The following GABRB1 variants were observed in gnomAD, a reference collection of about 807,000 sequenced individuals.
The protein encoded by GABRB1 is gamma-aminobutyric acid type A receptor subunit beta1.
In GABRB1, 17 loss-of-function variants were observed where a neutral mutation model predicts 51.6. The ratio of observed to expected loss-of-function variants is 0.33; its 90% confidence interval spans 0.23 to 0.49. The LOEUF (loss-of-function observed/expected upper bound fraction) is 0.49. Among genes scored for constraint, GABRB1 ranks in the 20% least tolerant of loss-of-function variants. The pLI, the probability that GABRB1 is intolerant of heterozygous loss-of-function variation, is 0.99. For synonymous variants in GABRB1, 247 were observed against 218.9 expected (o/e 1.13, Z -1.14); for missense variants, 410 against 600.6 (o/e 0.68, Z 3.32).
intron 3 of GABRB1, among the ~76,000 whole-genome samples, chr4:47,044,686 C>G (rs1726008534): frequency 6.6e-6 from 1 of 151,958 alleles, no homozygotes; most frequent in Non-Finnish European, 1.5e-5. Flanking sequence ...GAATTTCTCC[C>G]TCTTTAATGC....
At chr4:47,010,484 G>A (rs544485193) in intron 1 of GABRB1, among the ~76,000 whole-genome samples, 128 of 152,332 alleles carry the variant, frequency 8.4e-4, no homozygotes, top group Non-Finnish European at 1.6e-3. Flanking sequence ...GTCTGTGAAT[G>A]ATTGCATAAC....
chr4:47,384,960 T>G (rs1333501252), intron 5 of GABRB1, among the ~76,000 whole-genome samples: 2 of 152,240 alleles, frequency 1.3e-5, no homozygotes, highest in African/African-American at 4.8e-5. Flanking sequence ...ATTATGATAC[T>G]GACACACTAG....
intron 3 of GABRB1, among the ~76,000 whole-genome samples, chr4:47,160,995 G>A (rs540094221): frequency 1.1e-4 from 17 of 151,804 alleles, no homozygotes; most frequent in South Asian, 4.2e-4. Context: ...GTCTCATAAC[G>A]TTCCGTAGGC....
chr4:47,195,919 C>G (rs1719664939), intron 4 of GABRB1, among the ~76,000 whole-genome samples: 1 of 152,198 alleles, frequency 6.6e-6, no homozygotes, highest in Admixed American at 6.5e-5. Context: ...TTCTCTGGCT[C>G]AAAATGCAAC....
chr4:47,194,234 A>G (rs1719555971), intron 4 of GABRB1, among the ~76,000 whole-genome samples: 1 of 152,202 alleles, frequency 6.6e-6, no homozygotes, highest in South Asian at 2.1e-4. Flanking sequence ...ATTGCCTGGA[A>G]TCAGAAAACA....
At chr4:47,123,645 A>T (rs1239288066) in intron 3 of GABRB1, among the ~76,000 whole-genome samples, 2 of 74,966 alleles carry the variant, frequency 2.7e-5, no homozygotes, top group East Asian at 4.2e-4. Flanking sequence ...ATATTACATT[A>T]TTTTATATAT....
intron 4 of GABRB1, among the ~76,000 whole-genome samples, chr4:47,168,347 A>C (rs1560568307): frequency 6.6e-6 from 1 of 152,150 alleles, no homozygotes; most frequent in Non-Finnish European, 1.5e-5. Flanking sequence ...AGTAGGTCCC[A>C]AAGAGTACAC....
intron 3 of GABRB1, among the ~76,000 whole-genome samples, chr4:47,077,362 G>A (rs1727602651): frequency 6.6e-6 from 1 of 152,062 alleles, no homozygotes; most frequent in Non-Finnish European, 1.5e-5. Flanking sequence ...AAGGAGTTTT[G>A]TACAAAATAG....
chr4:47,232,592 T>C (rs1219350308), intron 4 of GABRB1, among the ~76,000 whole-genome samples: 1 of 152,210 alleles, frequency 6.6e-6, no homozygotes, highest in African/African-American at 2.4e-5. Flanking sequence ...ATGTCCTGCA[T>C]GCATTTCAGA....
chr4:47,269,914 G>A (rs1158153729), intron 4 of GABRB1, among the ~76,000 whole-genome samples: 4 of 133,158 alleles, frequency 3.0e-5, no homozygotes, highest in Non-Finnish European at 4.7e-5. Context: ...GATGCTCTAA[G>A]GTGTCCTTGT....
At chr4:47,049,865 C>T (rs761744778) in intron 3 of GABRB1, among the ~76,000 whole-genome samples, 9 of 152,112 alleles carry the variant, frequency 5.9e-5, no homozygotes, top group Non-Finnish European at 1.2e-4. Context: ...ACTTCAAAAA[C>T]GCAGAGGTAG....
chr4:47,030,366 T>C (rs990832037), upstream of GABRB1, among the ~76,000 whole-genome samples: 4 of 152,080 alleles, frequency 2.6e-5, no homozygotes, highest in Admixed American at 1.3e-4. Flanking sequence ...ATAAGTTTCT[T>C]GACCTTGAGA....
chr4:47,158,569 T>C (rs1167462180), intron 3 of GABRB1, among the ~76,000 whole-genome samples: 1 of 152,156 alleles, frequency 6.6e-6, no homozygotes, highest in East Asian at 1.9e-4. Flanking sequence ...ATCTGTATGC[T>C]AATGAGGAAT....
At chr4:47,206,791 C>T (rs973959408) in intron 4 of GABRB1, among the ~76,000 whole-genome samples, 2 of 151,080 alleles carry the variant, frequency 1.3e-5, no homozygotes, top group Admixed American at 6.6e-5. Flanking sequence ...TTTTGTACAG[C>T]TAGAGAATAT....
chr4:47,398,218 A>G (rs969553225), intron 5 of GABRB1, among the ~76,000 whole-genome samples: 27 of 152,262 alleles, frequency 1.8e-4, no homozygotes, highest in African/African-American at 6.0e-4. Context: ...CAATTTCTGT[A>G]TAGTAATTTT....
intron 4 of GABRB1, among the ~76,000 whole-genome samples, chr4:47,227,553 TC>T (rs1720988358): frequency 6.6e-6 from 1 of 152,122 alleles, no homozygotes; most frequent in Non-Finnish European, 1.5e-5. Flanking sequence ...AATTAGCTGA[TC>T]CTACATAGAG....
intron 3 of GABRB1, among the ~76,000 whole-genome samples, chr4:47,092,062 G>A (rs1253494355): frequency 6.7e-6 from 1 of 149,464 alleles, no homozygotes. Flanking sequence ...ATTTCTTACT[G>A]TGATTATGTA....
At chr4:47,412,780 C>T (rs1039736192) in intron 8 of GABRB1, among the ~76,000 whole-genome samples, 4 of 152,160 alleles carry the variant, frequency 2.6e-5, no homozygotes, top group African/African-American at 9.7e-5. Context: ...ATGGGTTTTA[C>T]AGCTGAATAA....
chr4:47,027,938 G>A (rs1207332529), upstream of GABRB1, among the ~76,000 whole-genome samples: 2 of 151,556 alleles, frequency 1.3e-5, no homozygotes, highest in Non-Finnish European at 3.0e-5. Flanking sequence ...ATTACTATTA[G>A]TATTACAAAT....
Sources: allele counts gnomAD v4.1 joint callset (sites outside exome capture counted in the v4.1 genomes callset), GRCh38; gene constraint gnomAD v4.1.1; transcripts MANE v1.5; gene names NCBI Gene and HGNC (gene_info 2026-07-23, HGNC 2026-07-21).